Variants in EXOC7 observed in about 807,000 individuals in gnomAD.
EXOC7 encodes the protein exocyst complex component Exo70.
EXOC7 carries 51 observed loss-of-function variants against 87.6 expected under a neutral mutation model. The ratio of observed to expected loss-of-function variants is 0.58; its 90% CI spans 0.46 to 0.73. The LOEUF is 0.73. Ranked by LOEUF, EXOC7 falls within the 30% of genes least tolerant of loss-of-function variation. EXOC7 has a pLI of 0.00. For synonymous variants in EXOC7, 327 were observed against 357.1 expected, an observed-to-expected ratio of 0.92 and a Z score of 0.95; for missense variants, 744 against 888.4, an observed-to-expected ratio of 0.84 and a Z score of 2.07.
Position 76,086,569 on chromosome 17 carries a change from C to T in EXOC7, c.1430-424G>A, listed in dbSNP as rs77360009. ...CCTCTACCAGACCCTACTGAACAGA[C>T]GAAGCTGCGGCCTGCACAGTGGGGA... is the stretch of plus-strand genomic sequence containing the variant. On this transcript the variant is annotated intron_variant, in intron 12 of 18. Transcript: ENST00000589210. Among the ~76,000 whole-genome samples the T allele has an allele frequency of 1.5e-3, 228 of 152,270 alleles. 1 individual carries two copies. Among genetic ancestry groups the T allele is most frequent in the African/African-American group, 5.4e-3 (224 of 41,552 alleles).
At chr17:76,089,613 T>G in intron 7 of EXOC7, 3 of 464,960 alleles carry the variant, frequency 6.5e-6, no homozygotes, top group Non-Finnish European at 1.2e-5. Flanking sequence ...GGAGGGAAGA[T>G]TCCTGAATCA....
At chr17:76,098,206 G>T in intron 4 of EXOC7, 188 bp from the exon 5 acceptor site, 1 of 562,522 alleles carries the variant, frequency 1.8e-6, no homozygotes, top group Admixed American at 3.2e-5. Context: ...ACACAATCTT[G>T]GCTCACTGCA....
At chr17:76,085,996 A>G in intron 13 of EXOC7, 84 bp downstream of exon 13, 1 of 1,552,750 alleles carries the variant, frequency 6.4e-7, no homozygotes, top group Non-Finnish European at 8.8e-7. Flanking sequence ...GGCCCTGGGA[A>G]TAGCCAGAGA....
rs1295023663 is a variant in EXOC7, at chr17:76,088,532, G to A, written c.1231C>T (p.Pro411Ser). 6.2e-7 allele frequency: 1 copy of A among 1,613,992 alleles called. No homozygotes were observed. Among genetic ancestry groups the A allele is most frequent in the Admixed American group, 1.7e-5 (1 of 60,014 alleles). The change falls in exon 10 of 19, where the codon CCT (proline) becomes TCT (serine). Residue 411 changes from proline to serine, a missense_variant. Transcript: ENST00000589210. ...GTCTCCATGGATGTGATGAGGCCAG[G>A]CAGCTTGTTCTTTGTGCTGGCAGCC... ...GTAASTKNKL[P>S]GLITSMETIG...
Position 76,101,352 on chromosome 17 carries a change from G to A in EXOC7, c.336C>T (p.Tyr112=), listed in dbSNP as rs2068052235. Residue 112 remains tyrosine (Y), a synonymous_variant, in exon 4 of 19, where the codon TAC becomes TAT. Transcript: ENST00000589210. The stretch of plus-strand genomic sequence containing the variant: ...TCTGAATCTTGGCCATGCTTCCCAG[G>A]TACTCTTCCAGCCTACCTGTGGGGC... ...REGPTGRLEE[Y]LGSMAKIQKA... 6.2e-7 allele frequency: 1 copy of A among 1,613,920 alleles called. No individual in the cohort carries two copies. The highest frequency in any genetic ancestry group is 1.7e-5 in the Admixed American group (1 of 59,960).
chr17:76,099,850 C>T (rs2067970539), intron 4 of EXOC7, among the ~76,000 whole-genome samples: 1 of 152,176 alleles, frequency 6.6e-6, no homozygotes, highest in African/African-American at 2.4e-5. Flanking sequence ...CGTAATCCCT[C>T]CCAACACTTT....
At chr17:76,101,086 G>A (rs112877198) in intron 4 of EXOC7, 185 bp downstream of exon 4, 2 of 1,153,454 alleles carry the variant, frequency 1.7e-6, no homozygotes, top group Non-Finnish European at 2.2e-6. Flanking sequence ...TTATAATAAA[G>A]AATTTTTAAT....
intron 16 of EXOC7, 59 bp from the exon 17 acceptor site, chr17:76,084,348 C>T (rs542869773): frequency 4.3e-6 from 7 of 1,610,850 alleles, no homozygotes; most frequent in Non-Finnish European, 5.9e-6. Context: ...AGCCTTCCCC[C>T]ACTCTTCCCC....
chr17:76,096,193 A>C (rs1348219579), intron 5 of EXOC7, among the ~76,000 whole-genome samples: 1 of 152,218 alleles, frequency 6.6e-6, no homozygotes, highest in African/African-American at 2.4e-5. Flanking sequence ...GTGTACACAC[A>C]AACAAAGAGA....
Position 76,083,293 on chromosome 17 carries a change from G to A in EXOC7, c.*355C>T, listed in dbSNP as rs946746341. 9.0e-5 allele frequency: 23 copies of A among 256,820 alleles called. No homozygotes were observed. Among genetic ancestry groups the A allele is most frequent in the African/African-American group, 5.2e-4 (23 of 44,654 alleles). 15.9% of individuals were successfully genotyped at this position (256,820 alleles called of 1,614,324 possible). A position where few individuals can be genotyped will look rare whatever the true frequency, so the allele number is the denominator to read the frequency against. On this transcript the variant is annotated 3_prime_UTR_variant, in exon 19 of 19. Transcript: ENST00000589210. ...TTCTCTGTCCCCACCTCTGACCTAG[G>A]CTGGAGGGAGGGCCCTTCTGCCCTG...
chr17:76,089,215 G>C lies in EXOC7; in HGVS notation c.1007C>G (p.Pro336Arg). 1.2e-6 allele frequency: 2 copies of C among 1,613,978 alleles called. No individual in the cohort carries two copies. The highest frequency in any genetic ancestry group is 1.7e-6 in the Non-Finnish European group (2 of 1,180,004). The change falls in exon 8 of 19, where the codon CCC becomes CGC. Residue 336 changes from proline (P) to arginine (R), a missense_variant. Pro to Arg is a moderately radical substitution (Grantham distance 103). This residue lies in a region of EXOC7 where 512 missense variants were observed against 573.0 expected (regional missense o/e 0.89). Transcript: ENST00000589210. ...GAAGGTCTTCTTCTGGTGGTGCTCG[G>C]GGATGATGTCGGCCAGCAGCTGGTA... Reference protein sequence around the residue: ...SEYQLLADIIPEHHQKKTFDS... With the variant: ...SEYQLLADIIREHHQKKTFDS...
rs1567995821 is a variant in EXOC7 at position 76,103,411 on chromosome 17, A to G, written c.76T>C (p.Ser26Pro). Residue 26 changes from serine to proline, a missense_variant, in exon 2 of 19, where the codon TCC becomes CCC. Ser to Pro is a moderately conservative substitution (Grantham distance 74). Around this residue, in one of 3 missense-constraint regions of EXOC7, gnomAD observed 512 missense variants for 573.0 expected, o/e 0.89. Transcript: ENST00000589210. Reference protein sequence around the residue: ...DKLKQEEETLSFIRDSLEKSD... With the variant: ...DKLKQEEETLPFIRDSLEKSD... ...TTCTCCAGGCTGTCTCGGATGAAGG[A>G]CAGAGTCTCCTCCTCCTGGGGGCAG... is the stretch of plus-strand genomic sequence containing the variant. The G allele has an allele frequency of 1.2e-6, 2 of 1,606,770 alleles. No individual in the cohort carries two copies. The highest frequency in any genetic ancestry group is 1.7e-6 in the Non-Finnish European group (2 of 1,176,790).
At position 76,086,986 on chromosome 17, in the gene EXOC7, A is replaced by AT. The variant is rs2067241190; in HGVS notation, c.1429+667dup. 9 of 1,120,470 alleles carry AT rather than the reference A, an allele frequency of 8.0e-6. No homozygotes were observed. In the Admixed American group the frequency reaches 1.6e-4, roughly 20 times the overall value. 69.4% of individuals were successfully genotyped at this position (1,120,470 alleles called of 1,614,324 possible). A position where few individuals can be genotyped will look rare whatever the true frequency, so the allele number is the denominator to read the frequency against. On this transcript the variant is annotated intron_variant, in intron 12 of 18. Coordinates refer to ENST00000589210, the MANE Select transcript of EXOC7 (RefSeq NM_001013839.4). ...GTGCAAAAAACAGGTTAGAAACGGC[A>AT]TGTCAACCCGAATTAAGCAGACCTC...
rs918360426 is a variant in EXOC7, at chr17:76,082,400, C to T, written c.*1248G>A. ...ACAGGCTGATGACCCCTGGGGTTCG[C>T]TCTTCCGCTCATGTTGAGGGGACCT... On this transcript the variant is annotated 3_prime_UTR_variant, in exon 19 of 19. Coordinates refer to ENST00000589210, the MANE Select transcript of EXOC7 (RefSeq NM_001013839.4). The T allele has an allele frequency of 6.7e-7, 1 of 1,489,464 alleles. No homozygotes were observed. Among genetic ancestry groups the T allele is most frequent in the Non-Finnish European group, 9.0e-7 (1 of 1,105,462 alleles). The allele number at this position is 1,489,464 out of a possible 1,614,324, so 92.3% of individuals were successfully genotyped here.
intron 10 of EXOC7, 35 bp from the exon 11 acceptor site, chr17:76,088,157 C>A: frequency 5.0e-6 from 8 of 1,604,204 alleles, no homozygotes; most frequent in Non-Finnish European, 6.8e-6. Context: ...CCTGAAGCAG[C>A]CCCCAGCCCA....
At position 76,084,019 on chromosome 17, in the gene EXOC7, C is replaced by T. The variant is rs1306393131; in HGVS notation, c.1939G>A (p.Ala647Thr). 1.9e-6 allele frequency: 3 copies of T among 1,589,102 alleles called. No individual in the cohort carries two copies. Among genetic ancestry groups the T allele is most frequent in the African/African-American group, 2.7e-5 (2 of 74,028 alleles). Residue 647 changes from alanine (A) to threonine (T), a missense_variant, in exon 18 of 19, where the codon GCC becomes ACC. By Grantham distance (58) the Ala-to-Thr change is moderately conservative. This residue lies in a region of EXOC7 where 228 missense variants were observed against 298.6 expected (regional missense o/e 0.76). Transcript: ENST00000589210. ...QKTIVKETYG[A>T]FLQKFGSVPF... is the part of the protein sequence containing the mutation. Reference sequence around the variant, plus strand: ...TGGAGGCCTCACTTCTGTAGAAAGGCCCCGTAGGTCTCCTTGACAATGGTC... The same window carrying T: ...TGGAGGCCTCACTTCTGTAGAAAGGTCCCGTAGGTCTCCTTGACAATGGTC...
chr17:76,088,405 G>A, intron 10 of EXOC7, 59 bp downstream of exon 10: 1 of 1,534,638 alleles, frequency 6.5e-7, no homozygotes, highest in Non-Finnish European at 9.0e-7. Flanking sequence ...AGTCCCCCAG[G>A]GCCAGGTCAC....
chr17:76,082,040 C>G lies in EXOC7; in HGVS notation c.*1608G>C. On this transcript the variant is annotated 3_prime_UTR_variant, in exon 19 of 19. Coordinates refer to ENST00000589210, the MANE Select transcript of EXOC7 (RefSeq NM_001013839.4). Reference sequence around the variant, plus strand: ...AGAGCACGGCAACCCAGGGCCTCATCCTGCTGAAGGTGGGCAGGGGCTGGG... The same window carrying G: ...AGAGCACGGCAACCCAGGGCCTCATGCTGCTGAAGGTGGGCAGGGGCTGGG... The G allele has an allele frequency of 6.2e-7, 1 of 1,608,188 alleles. No individual in the cohort carries two copies. The highest frequency in any genetic ancestry group is 8.5e-7 in the Non-Finnish European group (1 of 1,178,016).
In EXOC7 at chr17:76,084,274, G is replaced by A. The variant is rs2067107189; in HGVS notation, c.1792C>T (p.Arg598Trp). 6.2e-7 allele frequency: 1 copy of A among 1,613,512 alleles called. No homozygotes were observed. Among genetic ancestry groups the A allele is most frequent in the Non-Finnish European group, 8.5e-7 (1 of 1,180,004 alleles). ...QPGVKLRDKE[R>W]QIIKERFKGF... The stretch of plus-strand genomic sequence containing the variant: ...TTAAAACGCTCCTTGATAATCTGCC[G>A]CTCCTTGTCCCGGAGCTGGGAAGCC... Residue 598 changes from arginine (R) to tryptophan (W), a missense_variant, in exon 17 of 19, where the codon CGG becomes TGG. By Grantham distance (101) the Arg-to-Trp change is moderately radical (BLOSUM62 -3). Around this residue, in one of 3 missense-constraint regions of EXOC7, gnomAD observed 228 missense variants for 298.6 expected, o/e 0.76. Coordinates refer to ENST00000589210, the MANE Select transcript of EXOC7 (RefSeq NM_001013839.4).
Sources: gnomAD v4.1 joint callset for allele counts (sites outside exome capture counted in the v4.1 genomes callset) on GRCh38, gnomAD v4.1.1 for gene constraint, gnomAD v4.1.1 regional missense constraint, MANE v1.5 for transcripts, NCBI Gene and HGNC (gene_info 2026-07-23, HGNC 2026-07-21) for gene names.